Variants in PER3 observed in about 807,000 individuals in gnomAD.
The protein encoded by PER3 is period circadian protein homolog 3.
In PER3, 107 loss-of-function variants were observed where a neutral mutation model predicts 127.2. That is an observed-to-expected ratio of 0.84 (90% CI 0.72 to 0.99). PER3 has a LOEUF of 0.99. Ranked by LOEUF, PER3 falls within the 50% of genes least tolerant of loss-of-function variation. The pLI is 0.00. For missense variants in PER3, 1,560 were observed against 1,525.8 expected (o/e 1.02, Z -0.37); for synonymous variants, 618 against 585.8 (o/e 1.05, Z -0.79).
chr1:7,815,156 GA>G (rs2097241585), intron 13 of PER3, among the ~76,000 whole-genome samples: 1 of 152,114 alleles, frequency 6.6e-6, no homozygotes, highest in Admixed American at 6.5e-5. Flanking sequence ...GGAACAAACA[GA>G]AAACAGCTAG....
At chr1:7,812,326 T>C (rs942667601) in intron 13 of PER3, among the ~76,000 whole-genome samples, 1 of 152,084 alleles carries the variant, frequency 6.6e-6, no homozygotes, top group African/African-American at 2.4e-5. Flanking sequence ...TCACTTTTTA[T>C]AAAATTGAAG....
In PER3 at chr1:7,827,519, CCT is replaced by C. The variant is rs777355122; in HGVS notation, c.2591_2592del (p.Pro864ArgfsTer83). 1.2e-5 allele frequency: 20 copies of C among 1,614,106 alleles called. No individual in the cohort carries two copies. The highest frequency in any genetic ancestry group is 1.4e-5 in the Non-Finnish European group (17 of 1,180,054). On this transcript the variant is annotated frameshift_variant, in exon 18 of 22. Transcript: ENST00000377532. LOFTEE classifies it high-confidence loss of function. ...TFMTVFLPDP[P>X]VCPLLSPSFL... The stretch of plus-strand genomic sequence containing the variant: ...TATGACCGTTTTCCTGCCTGACCCC[CCT>C]GTCTGTCCTCTGTTGTCGCCATCGT...
chr1:7,815,906 T>C (rs1032714950), intron 13 of PER3, among the ~76,000 whole-genome samples: 2 of 145,560 alleles, frequency 1.4e-5, no homozygotes, highest in African/African-American at 2.6e-5. Flanking sequence ...GGCAGGAGAA[T>C]TGCGTGAACC....
rs1056586935 is a variant in PER3 at position 7,827,884 on chromosome 1, T to G, written c.2886+69T>G. ...TCTTACTAAAGTTAAGGTGGTTGCG[T>G]TGGGACTCAGTGCTGACATTCTCAG... On this transcript the variant is annotated intron_variant, in intron 18 of 21. Transcript: ENST00000377532. 7.1e-6 allele frequency: 9 copies of G among 1,262,448 alleles called. No homozygotes were observed. The East Asian group carries it at 2.1e-4, about 30-fold the overall frequency. The allele number at this position is 1,262,448 out of a possible 1,614,324, so 78.2% of individuals were successfully genotyped here. A position where few individuals can be genotyped will look rare whatever the true frequency, so the allele number is the denominator to read the frequency against.
chr1:7,841,156 A>G (rs1234516234), intron 21 of PER3, among the ~76,000 whole-genome samples: 1 of 152,194 alleles, frequency 6.6e-6, no homozygotes, highest in Non-Finnish European at 1.5e-5. Flanking sequence ...AAAACTCAAA[A>G]TGTTTTAAGA....
At position 7,798,592 on chromosome 1, in the gene PER3, G is replaced by A. The variant is rs766177391; in HGVS notation, c.712G>A (p.Val238Ile). 6.2e-7 allele frequency: 1 copy of A among 1,613,196 alleles called. No individual in the cohort carries two copies. Among genetic ancestry groups the A allele is most frequent in the Non-Finnish European group, 8.5e-7 (1 of 1,179,284 alleles). ...PFRIIPYLIH[V>I]HHPAQPELES... ...CCGGATCATCCCCTATCTGATTCAT[G>A]TACATCACCCTGCCCAGCCAGAATT... The change falls in exon 7 of 22, where the codon GTA (valine) becomes ATA (isoleucine). Residue 238 changes from valine to isoleucine, a missense_variant. Val to Ile is a conservative substitution (Grantham distance 29). Transcript: ENST00000377532.
At chr1:7,799,329 G>C in intron 7 of PER3, among the ~76,000 whole-genome samples, 1 of 152,162 alleles carries the variant, frequency 6.6e-6, no homozygotes, top group East Asian at 1.9e-4. Flanking sequence ...ATCGTGCCGG[G>C]TGCAGTGGCT....
chr1:7,811,598 C>T (rs1418859825), intron 13 of PER3: 2 of 152,272 alleles, frequency 1.3e-5, no homozygotes. Flanking sequence ...GGGACAAACG[C>T]TGTGTCCTCA....
Position 7,827,125 on chromosome 1 carries a change from T to C in PER3, c.2196T>C (p.Ser732=), listed in dbSNP as rs1315660090. The C allele has an allele frequency of 1.3e-6, 2 of 1,590,038 alleles. No homozygotes were observed. Among genetic ancestry groups the C allele is most frequent in the Non-Finnish European group, 1.7e-6 (2 of 1,169,450 alleles). ...CTACCTTTATCCTTCCAGGAGATTC[T>C]ACTTCCAAGCAGACGCGGTCGGCCG... ...KAKYSYFQGD[S]TSKQTRSAGC... Residue 732 remains serine (S), a synonymous_variant, in exon 18 of 22, where the codon TCT becomes TCC. Transcript: ENST00000377532.
At chr1:7,842,231 G>A (rs193026486) in intron 21 of PER3, among the ~76,000 whole-genome samples, 25 of 152,186 alleles carry the variant, frequency 1.6e-4, no homozygotes, top group Admixed American at 6.5e-4. Flanking sequence ...GGCTGGGCGC[G>A]GTGTCTACTA....
chr1:7,810,142 T>C (rs1249715374), intron 12 of PER3, 121 bp downstream of exon 12: 9 of 1,012,508 alleles, frequency 8.9e-6, no homozygotes, highest in African/African-American at 4.9e-5. Context: ...ATAACAGATA[T>C]TTTCATCCAT....
chr1:7,820,649 C>G lies in PER3; in HGVS notation c.1957+9C>G. On this transcript the variant is annotated intron_variant, in intron 16 of 21. Coordinates refer to ENST00000377532, the MANE Select transcript of PER3 (RefSeq NM_001377275.1). ...CCCACCCCCAGAGACAGGTACCACA[C>G]TCGCCTCTTACTTTGAAAATATACT... 6.3e-7 allele frequency: 1 copy of G among 1,592,824 alleles called. No homozygotes were observed. The highest frequency in any genetic ancestry group is 8.6e-7 in the Non-Finnish European group (1 of 1,168,632).
At chr1:7,819,169 G>T in intron 13 of PER3, 116 bp from the exon 14 acceptor site, 1 of 788,866 alleles carries the variant, frequency 1.3e-6, no homozygotes, top group South Asian at 1.9e-5. Flanking sequence ...ATAGCCGCAT[G>T]ATATTCTGTT....
At position 7,843,646 on chromosome 1, in the gene PER3, T is replaced by C. The variant is rs1030465195; in HGVS notation, c.*891T>C. 1 of 152,950 alleles carries C rather than the reference T, an allele frequency of 6.5e-6. No individual in the cohort carries two copies. Among genetic ancestry groups the C allele is most frequent in the African/African-American group, 2.4e-5 (1 of 41,462 alleles). 9.5% of individuals were successfully genotyped at this position (152,950 alleles called of 1,614,324 possible). On this transcript the variant is annotated 3_prime_UTR_variant, in exon 22 of 22. Transcript: ENST00000377532. The stretch of plus-strand genomic sequence containing the variant: ...AAAACAGTTAACTCTTTCTTTCCAA[T>C]CAATTTATACAAAAGAGGTCGCTCC...
chr1:7,784,831 G>A lies in PER3; in HGVS notation c.-47G>A. On this transcript the variant is annotated 5_prime_UTR_variant, in exon 2 of 22. Coordinates refer to ENST00000377532, the MANE Select transcript of PER3 (RefSeq NM_001377275.1). The stretch of plus-strand genomic sequence containing the variant: ...TGACTGCAAAGTGAGCGAGAAGCAG[G>A]CTGCGGGCCGTCCCAGCACGACGTG... The A allele has an allele frequency of 1.4e-6, 2 of 1,409,506 alleles. No individual in the cohort carries two copies. The highest frequency in any genetic ancestry group is 1.8e-6 in the Non-Finnish European group (2 of 1,089,724). The allele number at this position is 1,409,506 out of a possible 1,614,324, so 87.3% of individuals were successfully genotyped here.
intron 5 of PER3, among the ~76,000 whole-genome samples, chr1:7,790,205 C>G (rs1371032670): frequency 6.6e-6 from 1 of 152,178 alleles, no homozygotes; most frequent in Non-Finnish European, 1.5e-5. Flanking sequence ...CTATAAAGAA[C>G]TATCTGAGAC....
chr1:7,810,076 C>T, intron 12 of PER3, 55 bp downstream of exon 12: 6 of 1,525,004 alleles, frequency 3.9e-6, no homozygotes, highest in African/African-American at 2.7e-5. Context: ...TGTACTACCT[C>T]GGTTCTGAAT....
At chr1:7,798,821 T>C (rs1218267476) in intron 7 of PER3, 148 bp downstream of exon 7, 1 of 641,874 alleles carries the variant, frequency 1.6e-6, no homozygotes, top group Non-Finnish European at 2.7e-6. Flanking sequence ...TGGTTTTCAT[T>C]GATGTCTCTG....
At chr1:7,786,915 G>C in intron 4 of PER3, 79 bp downstream of exon 4, 1 of 801,534 alleles carries the variant, frequency 1.2e-6, no homozygotes, top group South Asian at 1.5e-5. Context: ...CTTTTAAGAA[G>C]GATAACAACG....
Sources: gnomAD v4.1 joint callset for allele counts (sites outside exome capture counted in the v4.1 genomes callset) on GRCh38, gnomAD v4.1.1 for gene constraint, MANE v1.5 for transcripts, NCBI Gene and HGNC (gene_info 2026-07-23, HGNC 2026-07-21) for gene names.